Variants in SLC24A2 observed in about 807,000 individuals in gnomAD.
SLC24A2 encodes the protein solute carrier family 24 member 2.
Under a neutral mutation model 62.0 loss-of-function variants are expected in SLC24A2, and 36 were observed. The ratio of observed to expected loss-of-function variants is 0.58; its 90% CI spans 0.44 to 0.77. The LOEUF is 0.77. Ranked by LOEUF, SLC24A2 falls within the 30% of genes least tolerant of loss-of-function variation. SLC24A2 has a pLI of 0.00. For synonymous variants in SLC24A2, 358 were observed against 294.0 expected, an observed-to-expected ratio of 1.22 and a Z score of -2.23; for missense variants, 846 against 817.9, an observed-to-expected ratio of 1.03 and a Z score of -0.42.
At chr9:19,856,347 T>C in the SLC24A2 span, among the ~76,000 whole-genome samples, 6 of 152,168 alleles carry the variant, frequency 3.9e-5, no homozygotes. Flanking sequence ...TTACGATCAT[T>C]TGGAGAAGAA....
At chr9:19,880,262 A>G in the SLC24A2 span, among the ~76,000 whole-genome samples, 1 of 152,194 alleles carries the variant, frequency 6.6e-6, no homozygotes, top group East Asian at 1.9e-4. Flanking sequence ...TTACATTAAC[A>G]CATGGAGAAC....
At chr9:19,943,781 T>C in the SLC24A2 span, among the ~76,000 whole-genome samples, 2 of 152,216 alleles carry the variant, frequency 1.3e-5, no homozygotes, top group Non-Finnish European at 2.9e-5. Context: ...CTATTTAGCC[T>C]TTTCTCTTCA....
the SLC24A2 span, among the ~76,000 whole-genome samples, chr9:20,227,391 G>A: frequency 6.6e-6 from 1 of 152,010 alleles, no homozygotes; most frequent in Non-Finnish European, 1.5e-5. Flanking sequence ...TCTTTGTGGT[G>A]TTTTAATACC....
At chr9:19,585,475 C>T (rs1836346142) in intron 5 of SLC24A2, among the ~76,000 whole-genome samples, 1 of 152,140 alleles carries the variant, frequency 6.6e-6, no homozygotes, top group Non-Finnish European at 1.5e-5. Context: ...ATCAGTTCTC[C>T]AGAAGCAATG....
intron 2 of SLC24A2, among the ~76,000 whole-genome samples, chr9:19,702,475 T>C (rs1362314757): frequency 1.3e-5 from 2 of 152,198 alleles, no homozygotes; most frequent in Non-Finnish European, 2.9e-5. Context: ...CCATGGTGAC[T>C]TGTCGCATAA....
At chr9:20,236,952 A>G in the SLC24A2 span, among the ~76,000 whole-genome samples, 2 of 151,976 alleles carry the variant, frequency 1.3e-5, no homozygotes, top group South Asian at 4.2e-4. Flanking sequence ...CGTGACCCAG[A>G]TCAATGAAGG....
At chr9:19,709,205 A>G (rs967379599) in intron 2 of SLC24A2, among the ~76,000 whole-genome samples, 1 of 151,972 alleles carries the variant, frequency 6.6e-6, no homozygotes, top group Non-Finnish European at 1.5e-5. Flanking sequence ...CCACAATGAG[A>G]TACCATCTCA....
the SLC24A2 span, among the ~76,000 whole-genome samples, chr9:20,023,754 G>A: frequency 2.0e-5 from 3 of 152,144 alleles, no homozygotes; most frequent in Non-Finnish European, 2.9e-5. Context: ...AATGCCCAGA[G>A]AAGCAGCTGT....
At chr9:20,161,384 T>C in the SLC24A2 span, among the ~76,000 whole-genome samples, 4 of 151,398 alleles carry the variant, frequency 2.6e-5, no homozygotes, top group Non-Finnish European at 5.9e-5. Context: ...TTGAAGTAAG[T>C]GTAACATTGA....
rs545288019 is a variant in SLC24A2 at position 19,693,393 on chromosome 9, G to A, written c.931-71094C>T. Among the ~76,000 whole-genome samples, 5 of 152,058 alleles carry A rather than the reference G, an allele frequency of 3.3e-5. No individual in the cohort carries two copies. In the South Asian group the frequency reaches 6.2e-4, roughly 19 times the overall value. On this transcript the variant is annotated intron_variant, in intron 2 of 10. Transcript: ENST00000341998. ...TGGCAAAGGATTTGGTCCATGGTAG[G>A]TGCACCATGACTGTTTACTAGTTTA...
chr9:20,152,017 T>A, the SLC24A2 span, among the ~76,000 whole-genome samples: 1 of 151,880 alleles, frequency 6.6e-6, no homozygotes, highest in Admixed American at 6.6e-5. Flanking sequence ...CTGAACCAGG[T>A]GTTATTCTTC....
At chr9:19,934,430 G>C in the SLC24A2 span, among the ~76,000 whole-genome samples, 1 of 151,968 alleles carries the variant, frequency 6.6e-6, no homozygotes, top group Non-Finnish European at 1.5e-5. This position sits in a 1 kb window ranked among gnomAD's most constrained non-coding sequence, Gnocchi z 4.1. Context: ...CCGGACCCCC[G>C]CGCACCCCCG....
the SLC24A2 span, among the ~76,000 whole-genome samples, chr9:20,270,935 C>T: frequency 6.6e-6 from 1 of 152,178 alleles, no homozygotes; most frequent in African/African-American, 2.4e-5. Context: ...TGCCTTTGTT[C>T]TTTGGAATCC....
Position 19,509,625 on chromosome 9 carries a change from A to G in SLC24A2, c.*6528T>C, listed in dbSNP as rs887520161. The G allele has an allele frequency of 2.6e-5, 4 of 152,240 alleles. No homozygotes were observed. Among genetic ancestry groups the G allele is most frequent in the African/African-American group, 9.6e-5 (4 of 41,458 alleles). 9.4% of individuals were successfully genotyped at this position (152,240 alleles called of 1,614,324 possible). ...CTGATAAGAATTGGGGATTTGTTTA[A>G]TTAAATGGCAAGAAGTTATCTACCC... On this transcript the variant is annotated 3_prime_UTR_variant, in exon 11 of 11. Coordinates refer to ENST00000341998, the MANE Select transcript of SLC24A2 (RefSeq NM_020344.4).
intron 8 of SLC24A2, 37 bp from the exon 9 acceptor site, chr9:19,528,175 T>C: frequency 1.5e-6 from 2 of 1,344,716 alleles, no homozygotes; most frequent in Non-Finnish European, 2.1e-6. Flanking sequence ...AATATCAGTG[T>C]TATCCATTGA....
intron 8 of SLC24A2, among the ~76,000 whole-genome samples, chr9:19,540,767 G>C (rs1004905876): frequency 7.5e-6 from 1 of 133,360 alleles, no homozygotes; most frequent in African/African-American, 3.1e-5. Context: ...TGCTAGATTG[G>C]GGAAGTTCTC....
the SLC24A2 span, among the ~76,000 whole-genome samples, chr9:20,068,722 A>G: frequency 1.3e-5 from 2 of 151,978 alleles, no homozygotes; most frequent in African/African-American, 4.8e-5. Flanking sequence ...AATATAGGGG[A>G]TTTGTTTCAA....
chr9:19,997,111 G>C, the SLC24A2 span, among the ~76,000 whole-genome samples: 1 of 152,020 alleles, frequency 6.6e-6, no homozygotes, highest in African/African-American at 2.4e-5. Context: ...ATAATTACGA[G>C]AGAGAGCACA....
intron 2 of SLC24A2, among the ~76,000 whole-genome samples, chr9:19,730,654 G>T (rs2118705342): frequency 6.6e-6 from 1 of 152,096 alleles, no homozygotes; most frequent in East Asian, 1.9e-4. Flanking sequence ...TTGTTTTATT[G>T]CTTAGAATAC....
Sources: allele counts gnomAD v4.1 joint callset (sites outside exome capture counted in the v4.1 genomes callset), GRCh38; gene constraint gnomAD v4.1.1; non-coding constraint Gnocchi (gnomAD v3.1); transcripts MANE v1.5; gene names NCBI Gene and HGNC (gene_info 2026-07-23, HGNC 2026-07-21).